The following ZNF429 variants were observed in gnomAD, a reference collection of about 807,000 sequenced individuals.
ZNF429 encodes zinc finger protein 429.
ZNF429 carries 53 observed loss-of-function variants against 56.8 expected under a neutral mutation model. That is an observed-to-expected ratio of 0.93 (90% confidence interval 0.75 to 1.17). ZNF429 has a LOEUF of 1.17. Among genes scored for constraint, ZNF429 ranks in the 50% most tolerant of loss-of-function variants. The pLI, the probability that ZNF429 is intolerant of heterozygous loss-of-function variation, is 0.00. For missense variants in ZNF429, 849 were observed against 788.4 expected, an observed-to-expected ratio of 1.08 and a Z score of -0.92; for synonymous variants, 278 against 264.7, an observed-to-expected ratio of 1.05 and a Z score of -0.49.
At chr19:21,531,822 A>T in intron 3 of ZNF429, among the ~76,000 whole-genome samples, 1 of 152,022 alleles carries the variant, frequency 6.6e-6, no homozygotes, top group East Asian at 1.9e-4. Flanking sequence ...AGAAAAAAAA[A>T]AAAAGCATTG....
Position 21,531,813 on chromosome 19 carries a change from GAAA to G in ZNF429, c.226+1140_226+1142del. Among the ~76,000 whole-genome samples, 167 of 115,712 alleles carry G rather than the reference GAAA, an allele frequency of 1.4e-3. 1 individual carries two copies. The highest frequency in any genetic ancestry group is 5.0e-3 in the Middle Eastern group (1 of 202). 75.9% of individuals were successfully genotyped at this position (115,712 alleles called of 152,430 possible). ...GGAGTGAGACTCTGTCTCAAAAAAA[GAAA>G]AAAAAAAAAAGCATTGAAATTGAAG... On this transcript the variant is annotated intron_variant, in intron 3 of 3. Coordinates refer to ENST00000358491, the MANE Select transcript of ZNF429 (RefSeq NM_001001415.4).
Position 21,535,399 on chromosome 19 carries a change from TTC to T in ZNF429, c.227-879_227-878del. Among the ~76,000 whole-genome samples the T allele has an allele frequency of 4.2e-3, 166 of 39,884 alleles. 19 individuals are homozygous for T. In the East Asian group the frequency reaches 0.042, roughly 10 times the overall value. The allele number at this position is 39,884 out of a possible 152,430, so 26.2% of individuals were successfully genotyped here. ...TTTCTTTTTTACTTTCTTTCTTTCT[TTC>T]TTTCTTTTTCTTTTCTTTCTTTCTT... On this transcript the variant is annotated intron_variant, in intron 3 of 3. Coordinates refer to ENST00000358491, the MANE Select transcript of ZNF429 (RefSeq NM_001001415.4).
intron 3 of ZNF429, among the ~76,000 whole-genome samples, chr19:21,533,133 TAC>T: frequency 5.3e-5 from 8 of 152,020 alleles, no homozygotes; most frequent in Admixed American, 2.6e-4. Context: ...TAAAAAAATT[TAC>T]AGTTTCCATT....
intron 3 of ZNF429, among the ~76,000 whole-genome samples, chr19:21,535,328 T>TTTCTTTCC: frequency 1.1e-5 from 1 of 94,736 alleles, no homozygotes; most frequent in Non-Finnish European, 2.1e-5. Flanking sequence ...TCTTTCTTTC[T>TTTCTTTCC]CTTTTCTTTT....
intron 1 of ZNF429, among the ~76,000 whole-genome samples, chr19:21,510,572 CT>C (rs1052824318): frequency 6.6e-6 from 1 of 151,608 alleles, no homozygotes; most frequent in Non-Finnish European, 1.5e-5. Flanking sequence ...ATGGTAATTT[CT>C]TTTTTTTAAT....
At chr19:21,514,566 A>G (rs932391413) in intron 1 of ZNF429, among the ~76,000 whole-genome samples, 1 of 151,746 alleles carries the variant, frequency 6.6e-6, no homozygotes, top group East Asian at 1.9e-4. Flanking sequence ...TATACCATGT[A>G]TATTTTATAC....
chr19:21,536,843 A>G lies in ZNF429; in HGVS notation c.790A>G (p.Lys264Glu). 6.2e-7 allele frequency: 1 copy of G among 1,613,914 alleles called. No homozygotes were observed. Among genetic ancestry groups the G allele is most frequent in the Non-Finnish European group, 8.5e-7 (1 of 1,179,970 alleles). The change falls in exon 4 of 4, where the codon AAA becomes GAA. Residue 264 changes from lysine (K) to glutamate (E), a missense_variant. Physicochemically the swap from Lys to Glu is moderately conservative, Grantham distance 56. Transcript: ENST00000358491. ...EKPYKCKECG[K>E]AFSRYSTLTT... is the part of the protein sequence containing the mutation. The stretch of plus-strand genomic sequence containing the variant: ...ACCCTACAAATGTAAAGAATGTGGC[A>G]AAGCCTTTAGCAGGTACTCAACCCT...
intron 1 of ZNF429, among the ~76,000 whole-genome samples, chr19:21,512,212 CTG>C (rs1464059734): frequency 2.6e-5 from 4 of 152,122 alleles, no homozygotes; most frequent in African/African-American, 9.7e-5. Context: ...CATTTGTAAA[CTG>C]TTATGGCACT....
intron 3 of ZNF429, among the ~76,000 whole-genome samples, chr19:21,535,853 A>G: frequency 6.6e-6 from 1 of 152,084 alleles, no homozygotes; most frequent in Non-Finnish European, 1.5e-5. Flanking sequence ...ATGTTGTGGG[A>G]AGCTAAATCC....
At position 21,536,348 on chromosome 19, in the gene ZNF429, A is replaced by C. The variant is rs757556696; in HGVS notation, c.295A>C (p.Thr99Pro). ...CATAAAAGATTCTTTCCAAAAAGTG[A>C]CACTGAGGAGATATGATAAACGTGG... is the stretch of plus-strand genomic sequence containing the variant. ...QDIKDSFQKV[T>P]LRRYDKRGHE... Residue 99 changes from threonine (T) to proline (P), a missense_variant, in exon 4 of 4, where the codon ACA becomes CCA. By Grantham distance (38) the Thr-to-Pro change is conservative. Coordinates refer to ENST00000358491, the MANE Select transcript of ZNF429 (RefSeq NM_001001415.4). The C allele has an allele frequency of 5.0e-6, 8 of 1,613,002 alleles. No individual in the cohort carries two copies. Among genetic ancestry groups the C allele is most frequent in the Non-Finnish European group, 6.8e-6 (8 of 1,179,658 alleles).
At chr19:21,530,545 C>G in intron 2 of ZNF429, 44 bp from the exon 3 acceptor site, 1 of 1,426,340 alleles carries the variant, frequency 7.0e-7, no homozygotes, top group Non-Finnish European at 9.6e-7. Flanking sequence ...TTGGTAATTA[C>G]AGAATATAAG....
intron 1 of ZNF429, chr19:21,521,766 A>T (rs889216409): frequency 2.0e-5 from 3 of 152,708 alleles, no homozygotes; most frequent in African/African-American, 7.2e-5. Context: ...ATCTGCACTT[A>T]TCCTGGAAAT....
intron 3 of ZNF429, among the ~76,000 whole-genome samples, chr19:21,534,291 G>A: frequency 6.9e-6 from 1 of 145,780 alleles, no homozygotes; most frequent in African/African-American, 2.5e-5. Context: ...ATATATTTTT[G>A]GATTTTCCAG....
chr19:21,534,747 G>C, intron 3 of ZNF429, among the ~76,000 whole-genome samples: 1 of 151,352 alleles, frequency 6.6e-6, no homozygotes, highest in African/African-American at 2.4e-5. Flanking sequence ...TTTTGCTTTT[G>C]ACTGGAGAGA....
intron 3 of ZNF429, among the ~76,000 whole-genome samples, chr19:21,530,997 T>A: frequency 6.6e-6 from 1 of 150,556 alleles, no homozygotes; most frequent in East Asian, 2.0e-4. Flanking sequence ...TCCCAGCTTC[T>A]CAGGAGGCTG....
Position 21,536,848 on chromosome 19 carries a change from C to G in ZNF429, c.795C>G (p.Ala265=), listed in dbSNP as rs746145712. Residue 265 remains alanine, a synonymous_variant, in exon 4 of 4, where the codon GCC becomes GCG. Coordinates refer to ENST00000358491, the MANE Select transcript of ZNF429 (RefSeq NM_001001415.4). ...KPYKCKECGK[A]FSRYSTLTTH... is the part of the protein sequence containing the mutation. ...ACAAATGTAAAGAATGTGGCAAAGC[C>G]TTTAGCAGGTACTCAACCCTTACTA... 6.2e-7 allele frequency: 1 copy of G among 1,611,946 alleles called. No homozygotes were observed. The highest frequency in any genetic ancestry group is 1.7e-4 in the Middle Eastern group (1 of 6,044).
chr19:21,511,997 G>A (rs186845994), intron 1 of ZNF429, among the ~76,000 whole-genome samples: 1,758 of 152,290 alleles, frequency 0.012, 20 homozygotes, highest in African/African-American at 0.02. Context: ...GAATCAGGCA[G>A]GGAGGTTGCA....
chr19:21,540,619 G>A lies in ZNF429; in HGVS notation c.*2541G>A, dbSNP rs1405086136. Among the ~76,000 whole-genome samples the A allele has an allele frequency of 6.6e-6, 1 of 151,856 alleles. No homozygotes were observed. Among genetic ancestry groups the A allele is most frequent in the East Asian group, 1.9e-4 (1 of 5,196 alleles). On this transcript the variant is annotated 3_prime_UTR_variant, in exon 4 of 4. Coordinates refer to ENST00000358491, the MANE Select transcript of ZNF429 (RefSeq NM_001001415.4). ...TATTGACTGCATGGTTATCTTTGTG[G>A]TATAAAAATTTATATATAAGTATAA...
intron 3 of ZNF429, among the ~76,000 whole-genome samples, chr19:21,534,872 T>C: frequency 6.6e-6 from 1 of 150,978 alleles, no homozygotes; most frequent in Non-Finnish European, 1.5e-5. Context: ...TGCAGTGGCG[T>C]GATCTCGGCT....
Sources: allele counts gnomAD v4.1 joint callset (sites outside exome capture counted in the v4.1 genomes callset), GRCh38; gene constraint gnomAD v4.1.1; transcripts MANE v1.5; gene names NCBI Gene and HGNC (gene_info 2026-07-23, HGNC 2026-07-21).